Variants in SMARCA1 observed in about 807,000 individuals in gnomAD.
SMARCA1 encodes the protein SNF2 related chromatin remodeling ATPase 1, also known as SWI/SNF-related matrix-associated actin-dependent regulator of chromatin subfamily A member 1.
Under a neutral mutation model 93.6 loss-of-function variants are expected in SMARCA1, and 17 were observed. The ratio of observed to expected loss-of-function variants is 0.18; its 90% CI spans 0.12 to 0.27. SMARCA1 has a LOEUF of 0.27. Among genes scored for constraint, SMARCA1 ranks in the 10% least tolerant of loss-of-function variants. SMARCA1 has a pLI of 1.00. For missense variants in SMARCA1, 630 were observed against 819.0 expected, an observed-to-expected ratio of 0.77 and a Z score of 2.82; for synonymous variants, 271 against 271.4, an observed-to-expected ratio of 1.00 and a Z score of 0.01.
chrX:129,499,866 A>T, intron 9 of SMARCA1, 25 bp from the exon 10 acceptor site: 1 of 755,729 alleles, frequency 1.3e-6, no homozygotes. Flanking sequence ...TTTTTATAAA[A>T]GTTTATGAAA....
At chrX:129,497,385 G>A (rs1934378597) in intron 11 of SMARCA1, among the ~76,000 whole-genome samples, 2 of 111,519 alleles carry the variant, frequency 1.8e-5, no homozygotes, top group Non-Finnish European at 3.8e-5. Context: ...TTAAAATACC[G>A]TTCATAATTT....
chrX:129,516,058 T>C, intron 3 of SMARCA1, 64 bp from the exon 4 acceptor site: 1 of 810,617 alleles, frequency 1.2e-6, no homozygotes, highest in Non-Finnish European at 1.8e-6. Context: ...ATTAAATCAG[T>C]GTACATGGCT....
At chrX:129,504,574 A>C (rs1240435490) in intron 9 of SMARCA1, among the ~76,000 whole-genome samples, 160 bp downstream of exon 9, 2 of 100,500 alleles carry the variant, frequency 2.0e-5, no homozygotes, top group Non-Finnish European at 2.0e-5. Context: ...AAAAAAAAAA[A>C]AAAAAAACAA....
intron 3 of SMARCA1, 148 bp downstream of exon 3, chrX:129,516,183 A>G (rs1935192568): frequency 1.6e-6 from 1 of 632,941 alleles, no homozygotes; most frequent in African/African-American, 2.2e-5. Flanking sequence ...GTTGTCTTCA[A>G]AACATAATTA....
At chrX:129,518,529 G>C in intron 1 of SMARCA1, 82 bp from the exon 2 acceptor site, 1 of 523,734 alleles carries the variant, frequency 1.9e-6, no homozygotes, top group South Asian at 3.4e-5. Context: ...AGAAGAAGGC[G>C]GAAAGTAATT....
At chrX:129,467,827 G>A (rs750686592) in intron 21 of SMARCA1, among the ~76,000 whole-genome samples, 1 of 111,313 alleles carries the variant, frequency 9.0e-6, no homozygotes, top group East Asian at 2.8e-4. Context: ...TAGATTTGGG[G>A]CAGGGGCTAT....
intron 23 of SMARCA1, 124 bp from the exon 24 acceptor site, chrX:129,448,567 A>G (rs764335077): frequency 8.2e-5 from 47 of 575,414 alleles, no homozygotes; most frequent in African/African-American, 6.4e-4. Flanking sequence ...TTTCAGGACA[A>G]TATTCACACA....
intron 23 of SMARCA1, among the ~76,000 whole-genome samples, chrX:129,454,899 A>T (rs2124164400): frequency 8.9e-6 from 1 of 112,007 alleles, no homozygotes; most frequent in Non-Finnish European, 1.9e-5. Context: ...TCAAAACCAC[A>T]ATGAAACACC....
chrX:129,466,091 T>A (rs1932900565), intron 21 of SMARCA1, 129 bp from the exon 22 acceptor site: 1 of 311,161 alleles, frequency 3.2e-6, no homozygotes, highest in African/African-American at 2.7e-5. Context: ...TTCAGATTAA[T>A]CTTATATATA....
chrX:129,523,144 GA>G, intron 1 of SMARCA1, 52 bp downstream of exon 1: 1 of 1,177,592 alleles, frequency 8.5e-7, no homozygotes, highest in Non-Finnish European at 1.2e-6. Flanking sequence ...GGGCCCCTCA[GA>G]GGGGCCAGGC....
intron 23 of SMARCA1, among the ~76,000 whole-genome samples, chrX:129,450,801 C>T (rs1932253144): frequency 9.0e-6 from 1 of 111,330 alleles, no homozygotes; most frequent in Admixed American, 9.6e-5. Context: ...AGCCTGAATT[C>T]TCCAAATTTT....
intron 9 of SMARCA1, among the ~76,000 whole-genome samples, chrX:129,502,323 A>G (rs747916156): frequency 1.4e-4 from 16 of 111,616 alleles, no homozygotes; most frequent in Admixed American, 3.8e-4. Flanking sequence ...GTTAAACTTT[A>G]TAAGAGACAG....
intron 17 of SMARCA1, among the ~76,000 whole-genome samples, chrX:129,481,977 T>G (rs111693095): frequency 0.055 from 5,596 of 100,898 alleles, 391 homozygotes; most frequent in African/African-American, 0.17. Context: ...GTGGCACATA[T>G]ACACCATGGA....
In SMARCA1 at chrX:129,460,686, T is replaced by G. The variant is rs146311420; in HGVS notation, c.3030+4834A>C. ...GAGTAGCTGTCTTTCCTTATGAAAT[T>G]TCCTAGACTACACTCCATAAGCAGC... On this transcript the variant is annotated intron_variant, in intron 23 of 24. Transcript: ENST00000371121. 2.2e-4 allele frequency among the ~76,000 whole-genome samples: 24 copies of G among 111,547 alleles called. No homozygotes were observed. In the East Asian group the frequency reaches 6.7e-3, roughly 31 times the overall value.
In SMARCA1 at chrX:129,465,509, G is replaced by A. The variant is rs1467625706; in HGVS notation, c.3030+11C>T. 4.4e-6 allele frequency: 5 copies of A among 1,135,621 alleles called. No individual in the cohort carries two copies. In the African/African-American group the frequency reaches 5.5e-5, roughly 12 times the overall value. 93.6% of individuals were successfully genotyped at this position (1,135,621 alleles called of 1,213,427 possible). On this transcript the variant is annotated intron_variant, in intron 23 of 24. Transcript: ENST00000371121. ...AAAGTTGGAGGAAATCGGTAAGAAA[G>A]GAATACATACCATGGCAGTCCTAGA...
chrX:129,518,469 A>G (rs748791430), intron 1 of SMARCA1, 22 bp from the exon 2 acceptor site: 2 of 1,044,351 alleles, frequency 1.9e-6, no homozygotes, highest in South Asian at 4.0e-5. Flanking sequence ...AAGAAAATAA[A>G]TGTCACCAAA....
intron 21 of SMARCA1, among the ~76,000 whole-genome samples, chrX:129,466,473 G>C (rs1180387340): frequency 2.7e-5 from 3 of 111,184 alleles, no homozygotes; most frequent in Non-Finnish European, 3.8e-5. Flanking sequence ...TGGCCAACAT[G>C]GTGAAACCTC....
intron 23 of SMARCA1, 115 bp downstream of exon 23, chrX:129,465,405 G>C: frequency 2.0e-6 from 1 of 491,730 alleles, no homozygotes; most frequent in East Asian, 3.4e-5. Flanking sequence ...GAGAGAGAAA[G>C]AGAGAGCGCC....
chrX:129,520,965 C>T (rs1935367052), intron 1 of SMARCA1, among the ~76,000 whole-genome samples: 1 of 110,642 alleles, frequency 9.0e-6, no homozygotes, highest in Non-Finnish European at 1.9e-5. Flanking sequence ...GCAACCTGAG[C>T]CTTCCGGGTT....
Sources: allele counts gnomAD v4.1 joint callset (sites outside exome capture counted in the v4.1 genomes callset), GRCh38; gene constraint gnomAD v4.1.1; transcripts MANE v1.5; gene names NCBI Gene and HGNC (gene_info 2026-07-23, HGNC 2026-07-21).